MEF2A: variants seen among roughly 807,000 people sequenced by gnomAD.
MEF2A encodes myocyte-specific enhancer factor 2A.
MEF2A carries 28 observed loss-of-function variants against 55.8 expected under a neutral mutation model. That is an observed-to-expected ratio of 0.50 (90% confidence interval 0.37 to 0.69). The LOEUF is 0.69. MEF2A is among the 30% of genes least tolerant of loss of function. The pLI is 0.00. For missense variants in MEF2A, 528 were observed against 626.2 expected (o/e 0.84, Z 1.67); for synonymous variants, 239 against 227.1 (o/e 1.05, Z -0.47).
chr15:99,634,897 A>G (rs552592615), intron 3 of MEF2A, among the ~76,000 whole-genome samples: 60 of 152,372 alleles, frequency 3.9e-4, no homozygotes, highest in African/African-American at 1.4e-3. Context: ...ATAATTGGAC[A>G]GTTTATTTTT....
intron 4 of MEF2A, among the ~76,000 whole-genome samples, chr15:99,663,932 A>G (rs1193473864): frequency 9.8e-5 from 15 of 152,346 alleles, no homozygotes; most frequent in Admixed American, 9.1e-4. Context: ...AAGTGGTAAC[A>G]TATACCCAGA....
intron 2 of MEF2A, among the ~76,000 whole-genome samples, chr15:99,623,964 A>G (rs977864444): frequency 6.6e-6 from 1 of 151,646 alleles, no homozygotes; most frequent in Non-Finnish European, 1.5e-5. Flanking sequence ...TGCACCACCA[A>G]CCCGGCTAAT....
chr15:99,662,389 A>G (rs929067825), intron 4 of MEF2A, among the ~76,000 whole-genome samples: 1 of 152,202 alleles, frequency 6.6e-6, no homozygotes, highest in African/African-American at 2.4e-5. Context: ...ATTATTTACA[A>G]TGAGGAAAGA....
chr15:99,568,473 C>T (rs376569782), intron 1 of MEF2A, among the ~76,000 whole-genome samples: 114 of 152,104 alleles, frequency 7.5e-4, no homozygotes, highest in Middle Eastern at 3.4e-3. Context: ...TATTAATATT[C>T]CAGCAATAGC....
chr15:99,669,018 G>A (rs2050346167), intron 4 of MEF2A, among the ~76,000 whole-genome samples: 1 of 152,184 alleles, frequency 6.6e-6, no homozygotes, highest in South Asian at 2.1e-4. Flanking sequence ...GGCTTGCAGA[G>A]CTGGAGATAC....
At chr15:99,627,067 A>G (rs2042155771) in intron 2 of MEF2A, among the ~76,000 whole-genome samples, 1 of 152,142 alleles carries the variant, frequency 6.6e-6, no homozygotes, top group Non-Finnish European at 1.5e-5. Flanking sequence ...ATATTTAGCT[A>G]CATGGAAGCT....
intron 8 of MEF2A, among the ~76,000 whole-genome samples, chr15:99,700,350 A>G (rs1193618177): frequency 6.6e-6 from 1 of 151,064 alleles, no homozygotes; most frequent in Non-Finnish European, 1.5e-5. Context: ...CGTCTCTACT[A>G]AAAATACAAA....
At chr15:99,576,748 C>T (rs1045154437) in intron 1 of MEF2A, among the ~76,000 whole-genome samples, 4 of 151,782 alleles carry the variant, frequency 2.6e-5, no homozygotes, top group Admixed American at 6.6e-5. Context: ...TCACGCCATT[C>T]TCCTGCCTCA....
chr15:99,600,245 C>T (rs906950627), intron 2 of MEF2A, among the ~76,000 whole-genome samples: 1 of 152,116 alleles, frequency 6.6e-6, no homozygotes, highest in Non-Finnish European at 1.5e-5. Context: ...AGGGAATTCT[C>T]TATGCTGCTT....
chr15:99,692,605 G>A (rs1322283587), intron 8 of MEF2A, among the ~76,000 whole-genome samples: 8 of 152,116 alleles, frequency 5.3e-5, no homozygotes, highest in Non-Finnish European at 8.8e-5. Context: ...TGAAACTCCT[G>A]GGGGCCGCAG....
chr15:99,710,440 A>G (rs914170918), intron 10 of MEF2A, among the ~76,000 whole-genome samples, 194 bp from the exon 11 acceptor site: 6 of 152,102 alleles, frequency 3.9e-5, no homozygotes, highest in Admixed American at 3.3e-4. Context: ...ACGGGGTTTC[A>G]CCATGTTGTC....
chr15:99,639,525 G>A (rs892776940), intron 3 of MEF2A, among the ~76,000 whole-genome samples: 2 of 152,104 alleles, frequency 1.3e-5, no homozygotes, highest in African/African-American at 4.8e-5. Flanking sequence ...GTTATAAATG[G>A]TGTTGCAGTA....
chr15:99,593,931 A>T (rs1352971819), intron 1 of MEF2A, among the ~76,000 whole-genome samples: 3 of 152,120 alleles, frequency 2.0e-5, no homozygotes, highest in Admixed American at 1.3e-4. Context: ...TAAAAAACAA[A>T]TTATTTTTTT....
At chr15:99,691,231 C>T (rs890640061) in intron 8 of MEF2A, among the ~76,000 whole-genome samples, 1 of 150,682 alleles carries the variant, frequency 6.6e-6, no homozygotes, top group African/African-American at 2.4e-5. Context: ...AGAGGAAACC[C>T]CTCGAATGAG....
intron 8 of MEF2A, 150 bp from the exon 9 acceptor site, chr15:99,703,211 AT>A: frequency 1.6e-6 from 1 of 628,744 alleles, no homozygotes; most frequent in Non-Finnish European, 2.8e-6. Context: ...GAGACAAGTA[AT>A]TTATATTTCT....
intron 1 of MEF2A, among the ~76,000 whole-genome samples, chr15:99,579,073 T>A (rs536891465): frequency 6.6e-6 from 1 of 152,302 alleles, no homozygotes; most frequent in East Asian, 1.9e-4. Context: ...TCATTTTCAT[T>A]TGAATCACTT....
chr15:99,701,390 C>T (rs977925397), intron 8 of MEF2A, among the ~76,000 whole-genome samples: 6 of 152,132 alleles, frequency 3.9e-5, no homozygotes, highest in East Asian at 1.9e-4. Context: ...AACAAGTTGT[C>T]AAGGTCATGC....
intron 9 of MEF2A, among the ~76,000 whole-genome samples, chr15:99,704,132 A>G (rs1305859860): frequency 6.6e-6 from 1 of 152,238 alleles, no homozygotes; most frequent in Non-Finnish European, 1.5e-5. Context: ...TTTAAGGGGA[A>G]TAAAAACTTG....
At chr15:99,626,599 G>T (rs979908613) in intron 2 of MEF2A, among the ~76,000 whole-genome samples, 12 of 151,868 alleles carry the variant, frequency 7.9e-5, no homozygotes, top group African/African-American at 2.9e-4. Context: ...ATCATTCAAG[G>T]TTTTCTTGGC....
Sources: allele counts gnomAD v4.1 joint callset (sites outside exome capture counted in the v4.1 genomes callset), GRCh38; gene constraint gnomAD v4.1.1; transcripts MANE v1.5; gene names NCBI Gene and HGNC (gene_info 2026-07-23, HGNC 2026-07-21).